The following C4orf36 variants were observed in gnomAD, a reference collection of about 807,000 sequenced individuals.
C4orf36 encodes chromosome 4 open reading frame 36, also known as uncharacterized protein C4orf36.
Under a neutral mutation model 12.2 loss-of-function variants are expected in C4orf36, and 11 were observed. The ratio of observed to expected loss-of-function variants is 0.90; its 90% CI spans 0.57 to 1.49. The LOEUF (loss-of-function observed/expected upper bound fraction) is 1.49. C4orf36 is among the 40% of genes most tolerant of loss of function. The probability of loss-of-function intolerance (pLI) is 0.00; values close to 1 mark genes in which losing one functional copy is unlikely to be tolerated. For missense variants in C4orf36, 137 were observed against 133.9 expected (o/e 1.02, Z -0.11); for synonymous variants, 54 against 51.3 (o/e 1.05, Z -0.22).
At chr4:86,905,715 T>G in the C4orf36 span, among the ~76,000 whole-genome samples, 1 of 151,712 alleles carries the variant, frequency 6.6e-6, no homozygotes, top group Non-Finnish European at 1.5e-5. Context: ...AGGTCCTTTT[T>G]TTTTTTTTTT....
rs959682367 is a variant in C4orf36, at chr4:86,892,247, G to A, written c.-138C>T. 6 of 985,878 alleles carry A rather than the reference G, an allele frequency of 6.1e-6. No individual in the cohort carries two copies. The South Asian group carries it at 2.8e-4, about 46-fold the overall frequency. 61.1% of individuals were successfully genotyped at this position (985,878 alleles called of 1,614,324 possible). On this transcript the variant is annotated 5_prime_UTR_variant, in exon 1 of 5. Transcript: ENST00000295898. Reference sequence around the variant, plus strand: ...GTGTGCGCGGGGCTTCCAGGGTGGCGGGTCCCCGCGAGCCGGCGCCGGCGG... The same window carrying A: ...GTGTGCGCGGGGCTTCCAGGGTGGCAGGTCCCCGCGAGCCGGCGCCGGCGG...
chr4:86,884,297 GA>G lies in C4orf36; in HGVS notation c.*2+3460del, dbSNP rs773263296. On this transcript the variant is annotated intron_variant, in intron 4 of 4. Coordinates refer to ENST00000295898, the MANE Select transcript of C4orf36 (RefSeq NM_144645.4). ...GAAATTAGGCAGAAGGAAAAAGACT[GA>G]ATTTTTTTTTTTTTTTTTTTTTTTG... is the stretch of plus-strand genomic sequence containing the variant. Among the ~76,000 whole-genome samples the G allele has an allele frequency of 5.9e-3, 585 of 99,998 alleles. 44 individuals carry two copies. Among genetic ancestry groups the G allele is most frequent in the Middle Eastern group, 0.028 (5 of 180 alleles). 65.6% of individuals were successfully genotyped at this position (99,998 alleles called of 152,430 possible).
Position 86,891,522 on chromosome 4 carries a change from G to T in C4orf36, c.-2C>A. 1 of 1,613,984 alleles carries T rather than the reference G, an allele frequency of 6.2e-7. No individual in the cohort carries two copies. Among genetic ancestry groups the T allele is most frequent in the Non-Finnish European group, 8.5e-7 (1 of 1,179,950 alleles). On this transcript the variant is annotated 5_prime_UTR_variant, in exon 2 of 5. Coordinates refer to ENST00000295898, the MANE Select transcript of C4orf36 (RefSeq NM_144645.4). ...CTTTCTTGGCACTCCATACGCCATGGTGAGTTATTACGGTATGATTTCGTT... is the reference window on the plus strand; with the variant it reads ...CTTTCTTGGCACTCCATACGCCATGTTGAGTTATTACGGTATGATTTCGTT...
At chr4:86,907,349 C>G in the C4orf36 span, among the ~76,000 whole-genome samples, 1 of 152,074 alleles carries the variant, frequency 6.6e-6, no homozygotes, top group Non-Finnish European at 1.5e-5. Flanking sequence ...AAAATGTTCT[C>G]TTGGAGAGGA....
the C4orf36 span, among the ~76,000 whole-genome samples, chr4:86,901,483 C>T: frequency 6.6e-5 from 10 of 152,048 alleles, no homozygotes; most frequent in African/African-American, 2.2e-4. Flanking sequence ...TCTCGGCTCA[C>T]TGCAAGCTCC....
the C4orf36 span, among the ~76,000 whole-genome samples, chr4:86,899,706 C>T: frequency 6.6e-6 from 1 of 152,182 alleles, no homozygotes; most frequent in Non-Finnish European, 1.5e-5. Context: ...TGGTGCCTGC[C>T]TGTAGTCCCA....
the C4orf36 span, among the ~76,000 whole-genome samples, chr4:86,911,780 G>A: frequency 6.6e-6 from 1 of 152,090 alleles, no homozygotes; most frequent in Non-Finnish European, 1.5e-5. Flanking sequence ...TTAACCTTCT[G>A]GGCTCAAGTG....
intron 2 of C4orf36, 125 bp downstream of exon 2, chr4:86,891,331 C>G (rs1263822164): frequency 1.4e-6 from 1 of 696,292 alleles, no homozygotes. Flanking sequence ...CCAGACACCT[C>G]AAAATACTTC....
chr4:86,889,351 C>CA lies in C4orf36; in HGVS notation c.66-1077dup, dbSNP rs11357505. On this transcript the variant is annotated intron_variant, in intron 2 of 4. Coordinates refer to ENST00000295898, the MANE Select transcript of C4orf36 (RefSeq NM_144645.4). ...GGGTGAGAAGAGCAAAACTCCGTCT[C>CA]AAAAAAAAAAAAAAAAATGGAAATA... Among the ~76,000 whole-genome samples, 790 of 118,248 alleles carry CA rather than the reference C, an allele frequency of 6.7e-3. 4 individuals carry two copies. The highest frequency in any genetic ancestry group is 0.021 in the African/African-American group (668 of 31,366). The allele number at this position is 118,248 out of a possible 152,430, so 77.6% of individuals were successfully genotyped here.
At chr4:86,929,099 G>A in the C4orf36 span, among the ~76,000 whole-genome samples, 40 of 152,104 alleles carry the variant, frequency 2.6e-4, no homozygotes, top group African/African-American at 8.0e-4. Context: ...TTTTCTTTCC[G>A]TATGAGTTTT....
At chr4:86,902,410 G>A in the C4orf36 span, among the ~76,000 whole-genome samples, 2 of 76,730 alleles carry the variant, frequency 2.6e-5, no homozygotes, top group African/African-American at 1.1e-4. Flanking sequence ...GCAACAGAAT[G>A]AGACTCTCAA....
chr4:86,876,609 A>G (rs1056656945), intron 4 of C4orf36, 166 bp from the exon 5 acceptor site: 32 of 1,613,858 alleles, frequency 2.0e-5, no homozygotes, highest in Non-Finnish European at 2.5e-5. Context: ...AAGAACAGAC[A>G]GTTCTTCAAT....
the C4orf36 span, among the ~76,000 whole-genome samples, chr4:86,905,670 C>T: frequency 6.6e-6 from 1 of 150,852 alleles, no homozygotes; most frequent in African/African-American, 2.4e-5. Flanking sequence ...CCCCATTATC[C>T]AGGAAGATGG....
the C4orf36 span, chr4:86,913,275 G>A: frequency 2.7e-5 from 17 of 627,680 alleles, no homozygotes; most frequent in African/African-American, 3.1e-4. Flanking sequence ...GGCCCTGGAT[G>A]GAAGACTCGA....
At chr4:86,899,777 G>T in the C4orf36 span, among the ~76,000 whole-genome samples, 1 of 152,192 alleles carries the variant, frequency 6.6e-6, no homozygotes, top group Non-Finnish European at 1.5e-5. Context: ...GTTGCTGTGA[G>T]CCAAGATAGT....
At chr4:86,887,638 G>T in intron 4 of C4orf36, 120 bp downstream of exon 4, 2 of 1,180,786 alleles carry the variant, frequency 1.7e-6, no homozygotes, top group Non-Finnish European at 2.4e-6. Context: ...GCTGTGGGCA[G>T]TGGCCCATCC....
At chr4:86,915,937 G>GCT in the C4orf36 span, among the ~76,000 whole-genome samples, 1 of 152,212 alleles carries the variant, frequency 6.6e-6, no homozygotes. Flanking sequence ...AAGCTAGGAA[G>GCT]AGGGAATGAA....
In C4orf36 at chr4:86,887,779, C is replaced by G; in HGVS notation, c.335G>C (p.Arg112Thr). Residue 112 changes from arginine to threonine, a missense_variant, in exon 4 of 5, where the codon AGA (arginine) becomes ACA (threonine). Arg to Thr is a moderately conservative substitution (Grantham distance 71). Coordinates refer to ENST00000295898, the MANE Select transcript of C4orf36 (RefSeq NM_144645.4). ...LLRERPAGLR[R>T]PLPSK ...TGACTGTCATTTAGATGGAAGAGGT[C>G]TTCTCAAACCGGCTGGCCTTTCCCT... 1 of 1,614,204 alleles carries G rather than the reference C, an allele frequency of 6.2e-7. No homozygotes were observed. Among genetic ancestry groups the G allele is most frequent in the Non-Finnish European group, 8.5e-7 (1 of 1,180,032 alleles).
chr4:86,892,300 G>A lies in C4orf36; in HGVS notation c.-191C>T, dbSNP rs897488617. 1.0e-6 allele frequency: 1 copy of A among 985,640 alleles called. No individual in the cohort carries two copies. The highest frequency in any genetic ancestry group is 1.2e-6 in the Non-Finnish European group (1 of 830,192). 61.1% of individuals were successfully genotyped at this position (985,640 alleles called of 1,614,324 possible). On this transcript the variant is annotated 5_prime_UTR_variant, in exon 1 of 5. Transcript: ENST00000295898. Reference sequence around the variant, plus strand: ...TGGTTACCCGGGCTCCAGGGGCTCGGAGGGTCGCGGCCGGGGTACTGAGGT... The same window carrying A: ...TGGTTACCCGGGCTCCAGGGGCTCGAAGGGTCGCGGCCGGGGTACTGAGGT...
Sources: allele counts gnomAD v4.1 joint callset (sites outside exome capture counted in the v4.1 genomes callset), GRCh38; gene constraint gnomAD v4.1.1; transcripts MANE v1.5; gene names NCBI Gene and HGNC (gene_info 2026-07-23, HGNC 2026-07-21).